Variants in SLC18A1 observed in about 807,000 individuals in gnomAD.
SLC18A1 encodes chromaffin granule amine transporter.
A neutral mutation model predicts 53.7 loss-of-function variants in SLC18A1; 69 were observed. The observed-to-expected ratio is 1.28, with a 90% confidence interval of 1.06 to 1.57. The LOEUF is 1.57. Among genes scored for constraint, SLC18A1 ranks in the 40% most tolerant of loss-of-function variants. The pLI, the probability that SLC18A1 is intolerant of heterozygous loss-of-function variation, is 0.00. For synonymous variants in SLC18A1, 320 were observed against 248.1 expected, an observed-to-expected ratio of 1.29 and a Z score of -2.72; for missense variants, 932 against 668.1, an observed-to-expected ratio of 1.40 and a Z score of -4.35.
chr8:20,152,925 A>G (rs1316004050), intron 10 of SLC18A1, among the ~76,000 whole-genome samples: 4 of 152,192 alleles, frequency 2.6e-5, no homozygotes, highest in Non-Finnish European at 5.9e-5. Context: ...GTTCAGATGC[A>G]GGATATTGGG....
chr8:20,146,862 G>C (rs868028145), intron 15 of SLC18A1, among the ~76,000 whole-genome samples: 13 of 150,380 alleles, frequency 8.6e-5, no homozygotes, highest in African/African-American at 2.4e-4. Flanking sequence ...GGATAATGTT[G>C]CACTAGAGTG....
At chr8:20,171,203 C>G in intron 7 of SLC18A1, 57 bp from the exon 8 acceptor site, 1 of 1,567,738 alleles carries the variant, frequency 6.4e-7, no homozygotes. Flanking sequence ...CTGGGGGCTC[C>G]AATAACAGCT....
chr8:20,150,105 G>T (rs886359457), intron 11 of SLC18A1, among the ~76,000 whole-genome samples: 1 of 152,172 alleles, frequency 6.6e-6, no homozygotes, highest in Non-Finnish European at 1.5e-5. Flanking sequence ...CTTGAGGTCT[G>T]TCTCAAAAAA....
At chr8:20,167,369 A>AT in intron 8 of SLC18A1, among the ~76,000 whole-genome samples, 1 of 152,008 alleles carries the variant, frequency 6.6e-6, no homozygotes, top group Non-Finnish European at 1.5e-5. Context: ...AAGTAAGTAA[A>AT]TTTTTTAATC....
chr8:20,179,031 T>G lies in SLC18A1; in HGVS notation c.488+90A>C. 3 of 1,460,680 alleles carry G rather than the reference T, an allele frequency of 2.1e-6. No individual in the cohort carries two copies. The East Asian group carries it at 6.9e-5, about 34-fold the overall frequency. 90.5% of individuals were successfully genotyped at this position (1,460,680 alleles called of 1,614,324 possible). A position where few individuals can be genotyped will look rare whatever the true frequency, so the allele number is the denominator to read the frequency against. ...CCTGAGGAATCATACAAGTGAGTAT[T>G]TCTTCTTTTTCCCTTCCAACCCCCT... On this transcript the variant is annotated intron_variant, in intron 3 of 15. Transcript: ENST00000276373.
At chr8:20,158,031 G>A (rs1344219772) in intron 10 of SLC18A1, among the ~76,000 whole-genome samples, 2 of 152,196 alleles carry the variant, frequency 1.3e-5, no homozygotes, top group South Asian at 2.1e-4. Flanking sequence ...CCCAGGGGAC[G>A]AAGGTCCTCT....
rs1182314873 is a variant in SLC18A1, at chr8:20,179,224, T to G, written c.385A>C (p.Thr129Pro). 4.3e-6 allele frequency: 7 copies of G among 1,614,068 alleles called. No individual in the cohort carries two copies. The highest frequency in any genetic ancestry group is 5.9e-6 in the Non-Finnish European group (7 of 1,180,048). ...GTAATCTCTTCCTCCAAGAAACCTG[T>G]GCCTTGCAAGCAGTTGTTTTTATGA... Reference protein sequence around the residue: ...SAHKNNCLQGTGFLEEEITRV... With the variant: ...SAHKNNCLQGPGFLEEEITRV... The change falls in exon 3 of 16, where the codon ACA becomes CCA. Residue 129 changes from threonine (T) to proline (P), a missense_variant. Physicochemically the swap from Thr to Pro is conservative, Grantham distance 38. Transcript: ENST00000276373.
At position 20,145,618 on chromosome 8, in the gene SLC18A1, A is replaced by G. The variant is rs1026073856; in HGVS notation, c.*145T>C. ...TACACAGGTGAGAAGAGTATCAGGG[A>G]CAGTGTCCATGGGAGGGGAGGAAAG... On this transcript the variant is annotated 3_prime_UTR_variant, in exon 16 of 16. Coordinates refer to ENST00000276373, the MANE Select transcript of SLC18A1 (RefSeq NM_003053.4). 1.3e-5 allele frequency: 7 copies of G among 528,620 alleles called. No homozygotes were observed. The highest frequency in any genetic ancestry group is 1.2e-4 in the African/African-American group (6 of 51,312). The allele number at this position is 528,620 out of a possible 1,614,324, so 32.7% of individuals were successfully genotyped here.
intron 10 of SLC18A1, among the ~76,000 whole-genome samples, chr8:20,162,794 C>T: frequency 6.6e-6 from 1 of 152,204 alleles, no homozygotes; most frequent in East Asian, 1.9e-4. Flanking sequence ...TTCAGACTTT[C>T]TCTATAGCTC....
chr8:20,168,348 C>T (rs922106106), intron 8 of SLC18A1, among the ~76,000 whole-genome samples: 3 of 151,818 alleles, frequency 2.0e-5, no homozygotes, highest in African/African-American at 7.3e-5. Flanking sequence ...GCCTCAGTCA[C>T]AGAAAGAGGC....
chr8:20,157,217 A>G (rs1158073903), intron 10 of SLC18A1, among the ~76,000 whole-genome samples: 1 of 152,196 alleles, frequency 6.6e-6, no homozygotes, highest in African/African-American at 2.4e-5. Context: ...CGTTTTCCCC[A>G]AGGCAAAAAC....
intron 3 of SLC18A1, 75 bp from the exon 4 acceptor site, chr8:20,178,568 A>G (rs2072314108): frequency 2.7e-6 from 3 of 1,126,022 alleles, no homozygotes; most frequent in Non-Finnish European, 3.9e-6. Context: ...TTTTAAATGT[A>G]AGTGGGAGCA....
chr8:20,155,613 C>A (rs1474398537), intron 10 of SLC18A1, among the ~76,000 whole-genome samples: 1 of 152,176 alleles, frequency 6.6e-6, no homozygotes, highest in African/African-American at 2.4e-5. Flanking sequence ...TTCTTCTGAC[C>A]CATACCTCCT....
chr8:20,150,618 T>G (rs937286123), intron 11 of SLC18A1, 48 bp downstream of exon 11: 6 of 1,510,968 alleles, frequency 4.0e-6, no homozygotes, highest in Non-Finnish European at 5.5e-6. Context: ...ACGGGCGCTC[T>G]TCCATCTTAC....
intron 10 of SLC18A1, among the ~76,000 whole-genome samples, chr8:20,156,267 A>C (rs2071678857): frequency 2.0e-5 from 3 of 152,172 alleles, no homozygotes; most frequent in Admixed American, 1.3e-4. Context: ...CAAAAAAAAA[A>C]AAAAAAGTAG....
At chr8:20,150,830 C>A (rs1192971997) in intron 10 of SLC18A1, 86 bp from the exon 11 acceptor site, 1 of 1,208,622 alleles carries the variant, frequency 8.3e-7, no homozygotes, top group Non-Finnish European at 1.2e-6. Context: ...GAAGTCCACC[C>A]CTGTAACCTT....
intron 10 of SLC18A1, among the ~76,000 whole-genome samples, chr8:20,164,098 T>C (rs992038437): frequency 1.3e-5 from 2 of 152,184 alleles, no homozygotes; most frequent in African/African-American, 2.4e-5. Flanking sequence ...TTAGTGCTTT[T>C]TATTGCATGC....
intron 10 of SLC18A1, among the ~76,000 whole-genome samples, chr8:20,161,224 G>A (rs1042514453): frequency 1.3e-5 from 2 of 152,226 alleles, no homozygotes; most frequent in African/African-American, 2.4e-5. Context: ...TTCAAGGTAC[G>A]ATTAATCCTG....
rs1563778562 is a variant in SLC18A1 at position 20,180,994 on chromosome 8, CT to C, written c.-31del. ...ATGGCCGGACTGGGGCAGTCTTCCC[CT>C]GCGGGCTCTTAGGGAAGGTCCTGTG... On this transcript the variant is annotated 5_prime_UTR_variant, in exon 2 of 16. Coordinates refer to ENST00000276373, the MANE Select transcript of SLC18A1 (RefSeq NM_003053.4). The C allele has an allele frequency of 1.3e-6, 2 of 1,552,328 alleles. No individual in the cohort carries two copies. Among genetic ancestry groups the C allele is most frequent in the East Asian group, 4.9e-5 (2 of 41,050 alleles).
Sources: gnomAD v4.1 joint callset for allele counts (sites outside exome capture counted in the v4.1 genomes callset) on GRCh38, gnomAD v4.1.1 for gene constraint, MANE v1.5 for transcripts, NCBI Gene and HGNC (gene_info 2026-07-23, HGNC 2026-07-21) for gene names.